ST18: variants seen among roughly 807,000 people sequenced by gnomAD.
ST18 encodes the protein ST18 C2H2C-type zinc finger transcription factor.
ST18 carries 50 observed loss-of-function variants against 110.0 expected under a neutral mutation model. The observed-to-expected ratio is 0.45, with a 90% CI of 0.36 to 0.58. ST18 has a LOEUF of 0.58. Among genes scored for constraint, ST18 ranks in the 20% least tolerant of loss-of-function variants. ST18 has a pLI of 0.00. For missense variants in ST18, 1,306 were observed against 1,280.1 expected (o/e 1.02, Z -0.31); for synonymous variants, 461 against 452.4 (o/e 1.02, Z -0.24).
chr8:52,339,647 G>C (rs955388320), intron 2 of ST18, among the ~76,000 whole-genome samples: 1 of 152,218 alleles, frequency 6.6e-6, no homozygotes, highest in African/African-American at 2.4e-5. Context: ...GAGGTCTAAA[G>C]ACGGCTGAGC....
Position 52,398,796 on chromosome 8 carries a change from T to A in ST18, c.-465+10532A>T, listed in dbSNP as rs575803110. On this transcript the variant is annotated intron_variant, in intron 2 of 25. Coordinates refer to ENST00000689386, the MANE Select transcript of ST18 (RefSeq NM_001352837.2). ...ACATGCACGCCAGCAATAAACTTGG[T>A]CATGATGTATAATCTTTTTGATGCA... Among the ~76,000 whole-genome samples the A allele has an allele frequency of 3.9e-5, 6 of 152,260 alleles. No homozygotes were observed. The East Asian group carries it at 1.2e-3, about 29-fold the overall frequency.
intron 2 of ST18, among the ~76,000 whole-genome samples, chr8:52,341,949 G>A (rs893324811): frequency 3.3e-5 from 5 of 152,188 alleles, no homozygotes; most frequent in African/African-American, 1.2e-4. Context: ...TCTGCTGGAG[G>A]GATTGGGGAG....
chr8:52,304,555 T>C (rs1393628415), intron 2 of ST18, among the ~76,000 whole-genome samples: 2 of 152,232 alleles, frequency 1.3e-5, no homozygotes, highest in African/African-American at 4.8e-5. Context: ...AGAAGCTCAT[T>C]AAAATGATGT....
intron 2 of ST18, among the ~76,000 whole-genome samples, chr8:52,293,676 C>CT (rs1378839859): frequency 2.6e-5 from 4 of 151,988 alleles, no homozygotes; most frequent in African/African-American, 7.3e-5. Flanking sequence ...TATTTTCTCT[C>CT]TTTTTTCTGT....
intron 2 of ST18, among the ~76,000 whole-genome samples, chr8:52,384,152 G>C (rs1265618680): frequency 6.6e-6 from 1 of 152,080 alleles, no homozygotes; most frequent in Non-Finnish European, 1.5e-5. Context: ...GAGTAATGTT[G>C]AACACTGCAG....
intron 2 of ST18, among the ~76,000 whole-genome samples, chr8:52,265,789 T>C (rs185782429): frequency 5.8e-4 from 89 of 152,352 alleles, no homozygotes; most frequent in Admixed American, 1.4e-3. Context: ...TTCTGGACTT[T>C]AGTGGAAAGT....
At chr8:52,183,715 C>A (rs530716825) in intron 8 of ST18, among the ~76,000 whole-genome samples, 107 of 152,328 alleles carry the variant, frequency 7.0e-4, no homozygotes, top group African/African-American at 2.6e-3. Context: ...CAGCTCAGGG[C>A]TCTCTGGACT....
At chr8:52,178,572 C>T (rs972862994) in intron 9 of ST18, among the ~76,000 whole-genome samples, 1 of 137,322 alleles carries the variant, frequency 7.3e-6, no homozygotes, top group Non-Finnish European at 1.5e-5. Context: ...AGCTGAGATC[C>T]CACCATTGCA....
At chr8:52,296,009 T>C (rs1589696660) in intron 2 of ST18, among the ~76,000 whole-genome samples, 1 of 150,816 alleles carries the variant, frequency 6.6e-6, no homozygotes, top group South Asian at 2.1e-4. Flanking sequence ...AAAAAAAAAA[T>C]GGGACAACAT....
intron 22 of ST18, among the ~76,000 whole-genome samples, chr8:52,131,032 G>T (rs1427237137): frequency 1.3e-5 from 2 of 152,152 alleles, no homozygotes; most frequent in Non-Finnish European, 2.9e-5. Context: ...ACTGGAAAAA[G>T]TCAAGTTTTC....
intron 2 of ST18, among the ~76,000 whole-genome samples, chr8:52,349,269 G>A (rs1237290294): frequency 1.3e-5 from 2 of 152,122 alleles, no homozygotes; most frequent in African/African-American, 4.8e-5. Context: ...AAGGCTTTGT[G>A]GGGTAAAGCT....
intron 2 of ST18, among the ~76,000 whole-genome samples, chr8:52,371,417 A>G (rs1457294226): frequency 1.3e-5 from 2 of 152,200 alleles, no homozygotes; most frequent in Non-Finnish European, 2.9e-5. Flanking sequence ...CATTCACTGA[A>G]GTCATATAGG....
chr8:52,191,805 A>G (rs752527568), intron 8 of ST18, among the ~76,000 whole-genome samples: 11 of 152,176 alleles, frequency 7.2e-5, no homozygotes, highest in Admixed American at 1.3e-4. Flanking sequence ...ATGCGGGCCC[A>G]TGGGCAAAGC....
intron 8 of ST18, among the ~76,000 whole-genome samples, chr8:52,208,207 T>C (rs910885683): frequency 6.6e-6 from 1 of 152,360 alleles, no homozygotes; most frequent in South Asian, 2.1e-4. Context: ...AGTATTTTCG[T>C]AAGTAGTCGC....
In ST18 at chr8:52,142,135, G is replaced by A. The variant is rs114650906; in HGVS notation, c.2168+795C>T. Among the ~76,000 whole-genome samples, 388 of 152,260 alleles carry A rather than the reference G, an allele frequency of 2.5e-3. 1 individual carries two copies. Among genetic ancestry groups the A allele is most frequent in the African/African-American group, 8.8e-3 (365 of 41,534 alleles). On this transcript the variant is annotated intron_variant, in intron 17 of 25. Transcript: ENST00000689386. ...GTTTCTGACAGGGGAAGGGGATGCC[G>A]AGGGAAGGGAGGTCCCTGGAGATCG...
chr8:52,118,494 T>A, intron 23 of ST18, 53 bp from the exon 24 acceptor site: 1 of 1,026,290 alleles, frequency 9.7e-7, no homozygotes, highest in Non-Finnish European at 1.4e-6. Context: ...AACAAATGAG[T>A]CATTATATGT....
At chr8:52,349,825 A>T (rs978851555) in intron 2 of ST18, among the ~76,000 whole-genome samples, 1 of 152,108 alleles carries the variant, frequency 6.6e-6, no homozygotes, top group African/African-American at 2.4e-5. Flanking sequence ...TGTGGGAATC[A>T]GTGAGGAATC....
At chr8:52,295,883 T>C (rs2095627998) in intron 2 of ST18, among the ~76,000 whole-genome samples, 3 of 152,064 alleles carry the variant, frequency 2.0e-5, no homozygotes, top group Admixed American at 2.0e-4. Context: ...CCCAGTATGT[T>C]CTGCGTCCCA....
At chr8:52,177,843 C>T (rs1460797885) in intron 9 of ST18, among the ~76,000 whole-genome samples, 1 of 152,190 alleles carries the variant, frequency 6.6e-6, no homozygotes, top group Non-Finnish European at 1.5e-5. Flanking sequence ...ATCTGTAAAA[C>T]TGTGCCCATA....
Sources: allele counts gnomAD v4.1 joint callset (sites outside exome capture counted in the v4.1 genomes callset), GRCh38; gene constraint gnomAD v4.1.1; transcripts MANE v1.5; gene names NCBI Gene and HGNC (gene_info 2026-07-23, HGNC 2026-07-21).